The following HMG20A variants were observed in gnomAD, a reference collection of about 807,000 sequenced individuals.
The protein encoded by HMG20A is high mobility group 20A, also known as high mobility group protein 20A.
Under a neutral mutation model 43.9 loss-of-function variants are expected in HMG20A, and 17 were observed. The ratio of observed to expected loss-of-function variants is 0.39; its 90% CI spans 0.27 to 0.58. HMG20A has a LOEUF of 0.58. HMG20A is among the 20% of genes least tolerant of loss of function. HMG20A has a pLI of 0.59. For missense variants in HMG20A, 341 were observed against 438.2 expected (o/e 0.78, Z 1.98); for synonymous variants, 132 against 147.5 (o/e 0.89, Z 0.76).
At chr15:77,426,667 A>G (rs2073431026) in intron 1 of HMG20A, among the ~76,000 whole-genome samples, 1 of 152,160 alleles carries the variant, frequency 6.6e-6, no homozygotes, top group Non-Finnish European at 1.5e-5. Context: ...CTGTACAAAA[A>G]AAATCCTGAA....
At chr15:77,480,628 A>G (rs1035374376) in intron 9 of HMG20A, among the ~76,000 whole-genome samples, 8 of 151,328 alleles carry the variant, frequency 5.3e-5, no homozygotes, top group African/African-American at 1.9e-4. Flanking sequence ...AAAAAAAACA[A>G]AATAAAAATA....
intron 1 of HMG20A, among the ~76,000 whole-genome samples, chr15:77,435,819 C>CTTT (rs35390385): frequency 2.0e-5 from 3 of 147,750 alleles, no homozygotes. Flanking sequence ...GTAGGTGCAT[C>CTTT]TTTTTTTTTT....
At chr15:77,429,744 ATCTAC>A (rs1198417810) in intron 1 of HMG20A, among the ~76,000 whole-genome samples, 1 of 152,340 alleles carries the variant, frequency 6.6e-6, no homozygotes, top group South Asian at 2.1e-4. Flanking sequence ...ATTATTGCCT[ATCTAC>A]TCAGTGGGCT....
chr15:77,500,550 A>G, the HMG20A span, among the ~76,000 whole-genome samples: 3 of 141,076 alleles, frequency 2.1e-5, no homozygotes, highest in African/African-American at 7.8e-5. Flanking sequence ...CTGTTCCCCA[A>G]ACCCTCCCTG....
At chr15:77,424,967 A>T (rs963007429) in intron 1 of HMG20A, among the ~76,000 whole-genome samples, 2 of 152,174 alleles carry the variant, frequency 1.3e-5, no homozygotes, top group East Asian at 1.9e-4. Context: ...GGGGGAAAAA[A>T]ATCTGTACTG....
intron 6 of HMG20A, among the ~76,000 whole-genome samples, chr15:77,477,178 A>G (rs943413371): frequency 6.6e-6 from 1 of 152,216 alleles, no homozygotes; most frequent in African/African-American, 2.4e-5. Flanking sequence ...ATAACCAACA[A>G]AAGTGACTGA....
chr15:77,511,870 G>A, the HMG20A span, among the ~76,000 whole-genome samples: 1 of 152,202 alleles, frequency 6.6e-6, no homozygotes, highest in East Asian at 1.9e-4. Flanking sequence ...AAAATTAAAA[G>A]TAGAATTACC....
chr15:77,472,693 C>G (rs2072820767), intron 6 of HMG20A, among the ~76,000 whole-genome samples: 1 of 152,214 alleles, frequency 6.6e-6, no homozygotes, highest in Admixed American at 6.5e-5. Flanking sequence ...GCCTGTGTTT[C>G]TGTGTGTGTA....
the HMG20A span, among the ~76,000 whole-genome samples, chr15:77,515,263 T>G: frequency 6.6e-6 from 1 of 152,118 alleles, no homozygotes; most frequent in African/African-American, 2.4e-5. Context: ...GTGTATGTCT[T>G]TTGTGAAGGA....
intron 1 of HMG20A, 139 bp from the exon 2 acceptor site, chr15:77,458,265 T>C: frequency 1.7e-6 from 1 of 595,060 alleles, no homozygotes; most frequent in East Asian, 3.0e-5. Context: ...TGTGTCCAAG[T>C]CAAGAAAATA....
chr15:77,438,077 C>T (rs2073568870), intron 1 of HMG20A, among the ~76,000 whole-genome samples: 1 of 151,972 alleles, frequency 6.6e-6, no homozygotes, highest in African/African-American at 2.4e-5. Flanking sequence ...CCGCCTCAGC[C>T]TCCCAAGTAG....
At chr15:77,442,722 G>A (rs1189632295) in intron 1 of HMG20A, among the ~76,000 whole-genome samples, 2 of 152,114 alleles carry the variant, frequency 1.3e-5, no homozygotes, top group African/African-American at 4.8e-5. Context: ...TTTTGAGATG[G>A]AGTCTTGCTC....
At chr15:77,476,317 A>G (rs1345272666) in intron 6 of HMG20A, among the ~76,000 whole-genome samples, 1 of 152,104 alleles carries the variant, frequency 6.6e-6, no homozygotes, top group Non-Finnish European at 1.5e-5. Flanking sequence ...CCCCGTCTCT[A>G]CTAAAAAAAT....
rs764648904 is a variant in HMG20A, at chr15:77,464,262, T to C, written c.112T>C (p.Tyr38His). The change falls in exon 3 of 10, where the codon TAC (tyrosine) becomes CAC (histidine). Residue 38 changes from tyrosine (Y) to histidine (H), a missense_variant. Coordinates refer to ENST00000336216, the MANE Select transcript of HMG20A (RefSeq NM_001304504.2). ...TTGLNHPEVP[Y>H]SSGATSSTNN... Reference sequence around the variant, plus strand: ...CAGGTTAAATCACCCAGAGGTTCCATACAGTAGTGGCGCCACATCATCCAC... The same window carrying C: ...CAGGTTAAATCACCCAGAGGTTCCACACAGTAGTGGCGCCACATCATCCAC... 7.4e-6 allele frequency: 12 copies of C among 1,613,800 alleles called. No individual in the cohort carries two copies. The highest frequency in any genetic ancestry group is 2.2e-5 in the East Asian group (1 of 44,862).
chr15:77,436,879 C>G (rs2073555145), intron 1 of HMG20A, among the ~76,000 whole-genome samples: 1 of 152,186 alleles, frequency 6.6e-6, no homozygotes, highest in Admixed American at 6.5e-5. Context: ...GAGGTTTACT[C>G]TTATACTTTG....
chr15:77,453,520 T>C (rs1041453542), intron 1 of HMG20A, among the ~76,000 whole-genome samples: 1 of 152,152 alleles, frequency 6.6e-6, no homozygotes, highest in African/African-American at 2.4e-5. Context: ...AGTTTGATTT[T>C]CTCAAAATAT....
At chr15:77,442,896 A>G (rs1363508429) in intron 1 of HMG20A, among the ~76,000 whole-genome samples, 9 of 152,154 alleles carry the variant, frequency 5.9e-5, no homozygotes, top group African/African-American at 1.9e-4. Flanking sequence ...ATTTTAAAAC[A>G]TCTGTGATCC....
chr15:77,516,477 G>T, the HMG20A span, among the ~76,000 whole-genome samples: 1 of 152,070 alleles, frequency 6.6e-6, no homozygotes, highest in Non-Finnish European at 1.5e-5. Flanking sequence ...CCCTGTGTTT[G>T]AAAAAGAAAC....
At chr15:77,489,899 G>A (rs750727714), downstream of HMG20A, among the ~76,000 whole-genome samples, 2 of 152,184 alleles carry the variant, frequency 1.3e-5, no homozygotes, top group South Asian at 2.1e-4. Flanking sequence ...CAGAAGTGTC[G>A]TAAAGAGTTT....
Sources: allele counts gnomAD v4.1 joint callset (sites outside exome capture counted in the v4.1 genomes callset), GRCh38; gene constraint gnomAD v4.1.1; transcripts MANE v1.5; gene names NCBI Gene and HGNC (gene_info 2026-07-23, HGNC 2026-07-21).